The following PLPP3 variants were observed in gnomAD, a reference collection of about 807,000 sequenced individuals.
PLPP3 encodes phospholipid phosphatase 3.
Under a neutral mutation model 29.6 loss-of-function variants are expected in PLPP3, and 6 were observed. That is an observed-to-expected ratio of 0.20 (90% CI 0.11 to 0.40). The LOEUF is 0.40. Among genes scored for constraint, PLPP3 ranks in the 10% least tolerant of loss-of-function variants. PLPP3 has a pLI of 1.00. For missense variants in PLPP3, 308 were observed against 407.7 expected, an observed-to-expected ratio of 0.76 and a Z score of 2.11; for synonymous variants, 152 against 159.7, an observed-to-expected ratio of 0.95 and a Z score of 0.36.
At chr1:56,505,471 A>G (rs1402934441) in intron 5 of PLPP3, among the ~76,000 whole-genome samples, 1 of 152,210 alleles carries the variant, frequency 6.6e-6, no homozygotes, top group African/African-American at 2.4e-5. Flanking sequence ...CTTGAACTGC[A>G]TGGGTCCACT....
intron 1 of PLPP3, among the ~76,000 whole-genome samples, chr1:56,571,386 T>G (rs1646197311): frequency 6.6e-6 from 1 of 152,196 alleles, no homozygotes; most frequent in Non-Finnish European, 1.5e-5. Flanking sequence ...TCAAGTAAAC[T>G]TGCTTAAGCT....
rs769423161 is a variant in PLPP3, at chr1:56,537,124, G to A, written c.140-12C>T. ...GAAGGGGAGGCCCGCTGGTCCAGGT[G>A]GAACCATGGCATATACCAGAAAAAA... On this transcript the variant is annotated splice_polypyrimidine_tract_variant and intron_variant, in intron 1 of 5. Transcript: ENST00000371250. The A allele has an allele frequency of 5.6e-5, 90 of 1,612,674 alleles. No individual in the cohort carries two copies. The Admixed American group carries it at 1.1e-3, about 20-fold the overall frequency.
At chr1:56,537,835 GC>G (rs1645938609) in intron 1 of PLPP3, among the ~76,000 whole-genome samples, 1 of 152,166 alleles carries the variant, frequency 6.6e-6, no homozygotes, top group Non-Finnish European at 1.5e-5. Context: ...TGGATAGAGG[GC>G]CCAGGGCACC....
intron 1 of PLPP3, among the ~76,000 whole-genome samples, chr1:56,545,062 A>G (rs765060439): frequency 1.3e-5 from 2 of 152,234 alleles, no homozygotes; most frequent in Non-Finnish European, 2.9e-5. Context: ...TTTATCTTTC[A>G]AGACTTAAAT....
intron 1 of PLPP3, among the ~76,000 whole-genome samples, chr1:56,562,240 A>G (rs978337944): frequency 4.0e-5 from 6 of 151,886 alleles, no homozygotes; most frequent in Non-Finnish European, 5.9e-5. Flanking sequence ...TAGATTCTGA[A>G]GAGTCTCAAA....
chr1:56,528,892 G>T (rs896721831), intron 2 of PLPP3, among the ~76,000 whole-genome samples: 1 of 149,120 alleles, frequency 6.7e-6, no homozygotes, highest in African/African-American at 2.5e-5. Context: ...AAAGCAGAAG[G>T]GACAACCCTA....
At chr1:56,542,546 G>A (rs1010220404) in intron 1 of PLPP3, among the ~76,000 whole-genome samples, 2 of 152,008 alleles carry the variant, frequency 1.3e-5, no homozygotes, top group Non-Finnish European at 2.9e-5. Context: ...TTCCAGAGTT[G>A]TTCAATTTTC....
At chr1:56,545,510 A>G (rs1645999947) in intron 1 of PLPP3, among the ~76,000 whole-genome samples, 1 of 152,142 alleles carries the variant, frequency 6.6e-6, no homozygotes, top group East Asian at 1.9e-4. Flanking sequence ...ATGAAGTCCT[A>G]TAATTCCAGG....
At chr1:56,534,031 G>C (rs1645907897) in intron 2 of PLPP3, among the ~76,000 whole-genome samples, 1 of 152,136 alleles carries the variant, frequency 6.6e-6, no homozygotes, top group South Asian at 2.1e-4. Context: ...CCCCTTTTAG[G>C]TTCTGAGCGA....
intron 5 of PLPP3, among the ~76,000 whole-genome samples, chr1:56,497,309 A>C (rs957806351): frequency 2.6e-5 from 4 of 152,198 alleles, no homozygotes; most frequent in Non-Finnish European, 4.4e-5. Context: ...TGGGGATGTG[A>C]CCTCACTGAG....
At chr1:56,513,346 G>C (rs1161371984) in intron 4 of PLPP3, 1 of 152,664 alleles carries the variant, frequency 6.6e-6, no homozygotes, top group Admixed American at 6.5e-5. Context: ...AAATGAGGGG[G>C]AAGAGGCAAG....
At chr1:56,527,885 A>C (rs542834668) in intron 2 of PLPP3, among the ~76,000 whole-genome samples, 228 of 152,282 alleles carry the variant, frequency 1.5e-3, no homozygotes, top group Non-Finnish European at 2.7e-3. Context: ...CTAACTCTCG[A>C]GTCCCAGATT....
chr1:56,563,804 T>A (rs977181400), intron 1 of PLPP3, among the ~76,000 whole-genome samples: 2 of 152,162 alleles, frequency 1.3e-5, no homozygotes, highest in African/African-American at 4.8e-5. Flanking sequence ...GAAATCCAAG[T>A]GAGTTAATAA....
rs752808813 is a variant in PLPP3, at chr1:56,578,911, G to A, written c.106C>T (p.Leu36Phe). Residue 36 changes from leucine to phenylalanine, a missense_variant, in exon 1 of 6, where the codon CTC (leucine) becomes TTC (phenylalanine). By Grantham distance (22) the Leu-to-Phe change is conservative. This residue lies in a region of PLPP3 where 67 missense variants were observed against 61.3 expected (regional missense o/e 1.09). Coordinates refer to ENST00000371250, the MANE Select transcript of PLPP3 (RefSeq NM_003713.5). ...PRRSGSKRVL[L>F]ICLDLFCLFM... ...AGGCAGAAGAGGTCGAGGCAGATGA[G>A]CAGCACCCGCTTGCTGCCGCTCCTC... The A allele has an allele frequency of 1.3e-5, 21 of 1,602,370 alleles. No homozygotes were observed. Among genetic ancestry groups the A allele is most frequent in the Middle Eastern group, 1.7e-4 (1 of 6,022 alleles).
chr1:56,507,417 A>G (rs1467926195), intron 5 of PLPP3, among the ~76,000 whole-genome samples: 2 of 152,206 alleles, frequency 1.3e-5, no homozygotes, highest in Non-Finnish European at 2.9e-5. Context: ...TGAAGCACCT[A>G]TTGTGTCAGC....
At chr1:56,557,026 A>AGAG (rs1646085318) in intron 1 of PLPP3, among the ~76,000 whole-genome samples, 1 of 9,524 alleles carries the variant, frequency 1.0e-4, no homozygotes, top group South Asian at 2.5e-3. Flanking sequence ...GAGAGAGAGA[A>AGAG]AGAGAGAGAG....
intron 1 of PLPP3, among the ~76,000 whole-genome samples, chr1:56,567,273 G>A (rs1008625239): frequency 6.6e-6 from 1 of 151,624 alleles, no homozygotes; most frequent in Non-Finnish European, 1.5e-5. Flanking sequence ...GTTTCTTTGT[G>A]AAAAATCCCT....
At chr1:56,551,295 G>A (rs1211483370) in intron 1 of PLPP3, among the ~76,000 whole-genome samples, 1 of 148,604 alleles carries the variant, frequency 6.7e-6, no homozygotes, top group Admixed American at 6.7e-5. Context: ...GGTTTGGTTC[G>A]GTTCGGTTCG....
intron 1 of PLPP3, among the ~76,000 whole-genome samples, chr1:56,546,722 G>A (rs1409499550): frequency 6.6e-6 from 1 of 152,158 alleles, no homozygotes; most frequent in Non-Finnish European, 1.5e-5. Flanking sequence ...TGCTGAAATA[G>A]AAAGCCCTTA....
Sources: allele counts gnomAD v4.1 joint callset (sites outside exome capture counted in the v4.1 genomes callset), GRCh38; gene constraint gnomAD v4.1.1; regional missense constraint gnomAD v4.1.1; transcripts MANE v1.5; gene names NCBI Gene and HGNC (gene_info 2026-07-23, HGNC 2026-07-21).